Variants in ANO10 observed in about 807,000 individuals in gnomAD.
ANO10 encodes the protein anoctamin-10.
In ANO10, 77 loss-of-function variants were observed where a neutral mutation model predicts 74.7. The observed-to-expected ratio is 1.03, with a 90% CI of 0.86 to 1.25. The LOEUF (loss-of-function observed/expected upper bound fraction) is 1.25, where lower values mean the gene tolerates loss of function less well. Among genes scored for constraint, ANO10 ranks in the 50% most tolerant of loss-of-function variants. The pLI is 0.00. For synonymous variants in ANO10, 279 were observed against 284.9 expected (o/e 0.98, Z 0.21); for missense variants, 721 against 778.1 (o/e 0.93, Z 0.87).
At chr3:43,622,248 CA>C (rs2083435249), upstream of ANO10, among the ~76,000 whole-genome samples, 1 of 152,174 alleles carries the variant, frequency 6.6e-6, no homozygotes, top group African/African-American at 2.4e-5. Context: ...TCGCCTGGAA[CA>C]GGAGACCAGG....
intron 12 of ANO10, among the ~76,000 whole-genome samples, chr3:43,367,448 CTGGCACAGAACAGA>C (rs2091452183): frequency 6.6e-6 from 1 of 152,162 alleles, no homozygotes; most frequent in Non-Finnish European, 1.5e-5. Context: ...CATGAAGTCC[CTGGCACAGAACAGA>C]TGCCCCAAAT....
intron 11 of ANO10, among the ~76,000 whole-genome samples, chr3:43,538,109 ATAGT>A (rs1177186784): frequency 5.3e-5 from 8 of 152,248 alleles, no homozygotes; most frequent in Admixed American, 1.3e-4. Context: ...CTAAAAAATG[ATAGT>A]TAGACCTGGC....
chr3:43,465,142 A>C (rs1469021120), intron 11 of ANO10, among the ~76,000 whole-genome samples: 7 of 152,222 alleles, frequency 4.6e-5, no homozygotes, highest in Non-Finnish European at 1.0e-4. Flanking sequence ...ATTACTAATA[A>C]GCAAATTTTT....
In ANO10 at chr3:43,460,745, T is replaced by C. The variant is rs574126644; in HGVS notation, c.1798-28018A>G. Among the ~76,000 whole-genome samples, 6 of 150,818 alleles carry C rather than the reference T, an allele frequency of 4.0e-5. No homozygotes were observed. The South Asian group carries it at 1.0e-3, about 26-fold the overall frequency. On this transcript the variant is annotated intron_variant, in intron 11 of 12. Transcript: ENST00000292246. Reference sequence around the variant, plus strand: ...CCATGGCAAAAAAGAAGAAAATGAATCCAGATGAAACAGATAATTCTGAGA... The same window carrying C: ...CCATGGCAAAAAAGAAGAAAATGAACCCAGATGAAACAGATAATTCTGAGA...
At chr3:43,548,541 A>G (rs2079304145) in intron 11 of ANO10, among the ~76,000 whole-genome samples, 1 of 152,188 alleles carries the variant, frequency 6.6e-6, no homozygotes, top group Non-Finnish European at 1.5e-5. Context: ...CAAATACAAT[A>G]AGAGCCAAAA....
At chr3:43,490,589 A>G (rs996330477) in intron 11 of ANO10, among the ~76,000 whole-genome samples, 2 of 152,248 alleles carry the variant, frequency 1.3e-5, no homozygotes, top group African/African-American at 2.4e-5. Flanking sequence ...AGACCATAGA[A>G]AAAGATGGAA....
At chr3:43,372,950 C>G in intron 12 of ANO10, 3 of 1,163,836 alleles carry the variant, frequency 2.6e-6, no homozygotes, top group Non-Finnish European at 3.6e-6. Flanking sequence ...AGAGAAAAGC[C>G]TCTTTTCTCA....
At chr3:43,462,671 G>A (rs1376348055) in intron 11 of ANO10, among the ~76,000 whole-genome samples, 1 of 152,260 alleles carries the variant, frequency 6.6e-6, no homozygotes, top group Non-Finnish European at 1.5e-5. Context: ...ATGAGGAGCT[G>A]AATGTTAATC....
intron 12 of ANO10, among the ~76,000 whole-genome samples, chr3:43,420,977 C>T (rs776654487): frequency 7.9e-5 from 12 of 152,232 alleles, no homozygotes; most frequent in Non-Finnish European, 1.2e-4. Flanking sequence ...AATCCCAGCA[C>T]TTTGGGAGGC....
At chr3:43,690,787 T>C (rs763588331) in intron 1 of ANO10, 66 of 456,078 alleles carry the variant, frequency 1.4e-4, no homozygotes, top group African/African-American at 3.9e-4. Flanking sequence ...GGAGAACTAG[T>C]GCATGCTGGC....
At chr3:43,371,032 T>G (rs2091591829) in intron 12 of ANO10, among the ~76,000 whole-genome samples, 1 of 152,106 alleles carries the variant, frequency 6.6e-6, no homozygotes, top group Non-Finnish European at 1.5e-5. Context: ...TAGCAGAGAC[T>G]CCTTCTGGCT....
At chr3:43,479,354 G>A (rs1388975103) in intron 11 of ANO10, among the ~76,000 whole-genome samples, 1 of 152,112 alleles carries the variant, frequency 6.6e-6, no homozygotes, top group African/African-American at 2.4e-5. Flanking sequence ...TCAAGTAGGT[G>A]AAGTTAGAAA....
At position 43,517,413 on chromosome 3, in the gene ANO10, C is replaced by T. The variant is rs138277632; in HGVS notation, c.1797+32307G>A. Reference sequence around the variant, plus strand: ...AATGCCCCCTTGCCCTCAACAAATTCATGTTAAAGCTGTAACCCCCAATGT... The same window carrying T: ...AATGCCCCCTTGCCCTCAACAAATTTATGTTAAAGCTGTAACCCCCAATGT... On this transcript the variant is annotated intron_variant, in intron 11 of 12. Coordinates refer to ENST00000292246, the MANE Select transcript of ANO10 (RefSeq NM_018075.5). Among the ~76,000 whole-genome samples the T allele has an allele frequency of 9.9e-3, 1,511 of 152,164 alleles. 13 individuals carry two copies. The highest frequency in any genetic ancestry group is 0.013 in the Non-Finnish European group (855 of 68,000).
intron 4 of ANO10, among the ~76,000 whole-genome samples, chr3:43,593,162 T>C (rs1438845461): frequency 1.3e-5 from 2 of 152,082 alleles, no homozygotes; most frequent in Non-Finnish European, 2.9e-5. Flanking sequence ...ACGGAGAGAA[T>C]GGAAACAAGT....
intron 12 of ANO10, among the ~76,000 whole-genome samples, chr3:43,411,440 C>T (rs532211435): frequency 6.6e-6 from 1 of 152,284 alleles, no homozygotes; most frequent in East Asian, 1.9e-4. Flanking sequence ...TAAATGGGTA[C>T]TCAATAGAAG....
intron 5 of ANO10, 91 bp from the exon 6 acceptor site, chr3:43,577,352 TG>T: frequency 7.8e-7 from 1 of 1,281,696 alleles, no homozygotes; most frequent in Non-Finnish European, 1.1e-6. Flanking sequence ...TTTAGTTAAG[TG>T]GGGATCATTC....
At chr3:43,519,735 G>A (rs1012908705) in intron 11 of ANO10, among the ~76,000 whole-genome samples, 3 of 152,106 alleles carry the variant, frequency 2.0e-5, no homozygotes, top group African/African-American at 7.2e-5. Flanking sequence ...ATGGTCTCGG[G>A]CCAGGATCAT....
At chr3:43,528,347 A>C (rs1387541692) in intron 11 of ANO10, among the ~76,000 whole-genome samples, 1 of 152,184 alleles carries the variant, frequency 6.6e-6, no homozygotes, top group African/African-American at 2.4e-5. Context: ...AACCAGATGA[A>C]AGTTATAACT....
chr3:43,521,568 G>A (rs2077958794), intron 11 of ANO10, among the ~76,000 whole-genome samples: 1 of 152,158 alleles, frequency 6.6e-6, no homozygotes, highest in South Asian at 2.1e-4. Flanking sequence ...AATCACTGGG[G>A]AAATGCAAAT....
Sources: allele counts gnomAD v4.1 joint callset (sites outside exome capture counted in the v4.1 genomes callset), GRCh38; gene constraint gnomAD v4.1.1; transcripts MANE v1.5; gene names NCBI Gene and HGNC (gene_info 2026-07-23, HGNC 2026-07-21).